Variants in KAT7 observed in about 807,000 individuals in gnomAD.
KAT7 encodes the protein histone acetyltransferase KAT7.
A neutral mutation model predicts 82.1 loss-of-function variants in KAT7; 10 were observed. The ratio of observed to expected loss-of-function variants is 0.12; its 90% CI spans 0.08 to 0.21. The LOEUF (loss-of-function observed/expected upper bound fraction) is 0.21, where lower values mean the gene tolerates loss of function less well. Among genes scored for constraint, KAT7 ranks in the 10% least tolerant of loss-of-function variants. The pLI is 1.00. For missense variants in KAT7, 378 were observed against 760.9 expected (o/e 0.50, Z 5.92); for synonymous variants, 250 against 262.5 (o/e 0.95, Z 0.46).
intron 4 of KAT7, among the ~76,000 whole-genome samples, chr17:49,804,505 G>A (rs1598063962): frequency 6.6e-6 from 1 of 152,132 alleles, no homozygotes; most frequent in Non-Finnish European, 1.5e-5. Context: ...TGTTTCAGGC[G>A]TGGCTCATGC....
intron 4 of KAT7, 90 bp from the exon 5 acceptor site, chr17:49,805,273 T>C: frequency 1.2e-6 from 1 of 821,814 alleles, no homozygotes. Context: ...ATAAAAATGA[T>C]GTAGCAAAAA....
rs150343023 is a variant in KAT7 at position 49,819,688 on chromosome 17, C to T, written c.1156-1649C>T. On this transcript the variant is annotated intron_variant, in intron 9 of 14. Transcript: ENST00000259021. ...CAGGAAATACCTAATTTATTCCATG[C>T]CTGTTCTTATTCCCGTTGCTTCAGG... 3.8e-3 allele frequency among the ~76,000 whole-genome samples: 575 copies of T among 152,274 alleles called. 2 individuals carry two copies. The Middle Eastern group carries it at 0.041, about 11-fold the overall frequency.
intron 6 of KAT7, 122 bp downstream of exon 6, chr17:49,809,330 C>G (rs1173199706): frequency 3.0e-6 from 2 of 676,776 alleles, no homozygotes; most frequent in Non-Finnish European, 5.1e-6. Flanking sequence ...CAGATGTAAA[C>G]TTAGAATCAT....
In KAT7 at chr17:49,834,643, G is replaced by A. The variant is rs1017303706; in HGVS notation, c.*7141G>A. Reference sequence around the variant, plus strand: ...ATTAGTCTATTATTCCCTTTCTTGTGTTTACTGAGAAAGCCTCCACTTCAA... The same window carrying A: ...ATTAGTCTATTATTCCCTTTCTTGTATTTACTGAGAAAGCCTCCACTTCAA... On this transcript the variant is annotated 3_prime_UTR_variant, in exon 15 of 15. Transcript: ENST00000259021. 1 of 152,148 alleles carries A rather than the reference G, an allele frequency of 6.6e-6. No individual in the cohort carries two copies. Among genetic ancestry groups the A allele is most frequent in the Non-Finnish European group, 1.5e-5 (1 of 68,038 alleles). 9.4% of individuals were successfully genotyped at this position (152,148 alleles called of 1,614,324 possible).
At chr17:49,816,142 CG>C (rs1261650475) in intron 8 of KAT7, among the ~76,000 whole-genome samples, 1 of 152,046 alleles carries the variant, frequency 6.6e-6, no homozygotes, top group Admixed American at 6.6e-5. Flanking sequence ...CCTCGGCTCC[CG>C]GAAGTACCAG....
intron 1 of KAT7, 94 bp from the exon 2 acceptor site, chr17:49,791,792 G>T (rs1598048321): frequency 1.6e-6 from 2 of 1,285,012 alleles, no homozygotes; most frequent in African/African-American, 2.9e-5. Flanking sequence ...TGAACTTGGG[G>T]TTTTCAGTGT....
intron 11 of KAT7, 30 bp downstream of exon 11, chr17:49,821,820 A>G (rs769907499): frequency 8.7e-6 from 14 of 1,610,870 alleles, no homozygotes; most frequent in East Asian, 4.5e-5. Flanking sequence ...TAAGAAGCCA[A>G]TGGCCAGAGC....
chr17:49,815,200 T>C (rs1358035596), intron 7 of KAT7: 2 of 152,192 alleles, frequency 1.3e-5, no homozygotes, highest in Non-Finnish European at 2.9e-5. Context: ...TATTTTTCTG[T>C]GTATGTGGAC....
At chr17:49,800,027 T>A (rs1192837755) in intron 4 of KAT7, among the ~76,000 whole-genome samples, 4 of 148,336 alleles carry the variant, frequency 2.7e-5, no homozygotes, top group Non-Finnish European at 6.0e-5. Context: ...TTTTTTTTTT[T>A]TTGAGACTGA....
chr17:49,821,750 C>A lies in KAT7; in HGVS notation c.1346C>A (p.Ala449Glu). Residue 449 changes from alanine (A) to glutamate (E), a missense_variant, in exon 11 of 15, where the codon GCG (alanine) becomes GAG (glutamate). By Grantham distance (107) the Ala-to-Glu change is moderately radical. This residue lies in a region of KAT7 where 20 missense variants were observed against 142.4 expected (regional missense o/e 0.14). Transcript: ENST00000259021. ...EPFLFYVMTE[A>E]DNTGCHLIGY... ...TTCCTGTTCTATGTTATGACAGAGG[C>A]GGACAACACTGGCTGTCACCTGATT... The A allele has an allele frequency of 1.2e-6, 2 of 1,613,692 alleles. No individual in the cohort carries two copies. The highest frequency in any genetic ancestry group is 8.5e-7 in the Non-Finnish European group (1 of 1,179,792).
In KAT7 at chr17:49,829,145, G is replaced by A. The variant is rs2074401973; in HGVS notation, c.*1643G>A. The A allele has an allele frequency of 6.6e-6, 1 of 152,338 alleles. No individual in the cohort carries two copies. The highest frequency in any genetic ancestry group is 2.1e-4 in the South Asian group (1 of 4,818). The allele number at this position is 152,338 out of a possible 1,614,324, so 9.4% of individuals were successfully genotyped here. A position where few individuals can be genotyped will look rare whatever the true frequency, so the allele number is the denominator to read the frequency against. ...ATTTATATATGAAAATGATGCACAC[G>A]ATCTGCTACTAATAGTAAATGCACT... On this transcript the variant is annotated 3_prime_UTR_variant, in exon 15 of 15. Transcript: ENST00000259021.
intron 4 of KAT7, among the ~76,000 whole-genome samples, chr17:49,803,308 C>T (rs543582850): frequency 8.3e-4 from 125 of 150,948 alleles, no homozygotes; most frequent in African/African-American, 2.9e-3. Context: ...GATGGAGTCT[C>T]ACCATGTTGG....
chr17:49,813,704 T>G (rs558434133), intron 7 of KAT7, among the ~76,000 whole-genome samples: 51 of 152,296 alleles, frequency 3.3e-4, no homozygotes, highest in African/African-American at 1.1e-3. Flanking sequence ...TTATAAGTAA[T>G]CTAGAGATGA....
intron 2 of KAT7, 117 bp downstream of exon 2, chr17:49,792,150 C>T: frequency 5.3e-6 from 5 of 939,144 alleles, no homozygotes; most frequent in Non-Finnish European, 8.0e-6. Flanking sequence ...TGACAGTGCA[C>T]CAGATGATTG....
At position 49,833,360 on chromosome 17, in the gene KAT7, T is replaced by C. The variant is rs1870239668; in HGVS notation, c.*5858T>C. On this transcript the variant is annotated 3_prime_UTR_variant, in exon 15 of 15. Coordinates refer to ENST00000259021, the MANE Select transcript of KAT7 (RefSeq NM_007067.5). ...GCTTACCATACATTCAATTCCAAAG[T>C]TATCAGAAACCTACACTCTTATCTC... 1 of 152,220 alleles carries C rather than the reference T, an allele frequency of 6.6e-6. No homozygotes were observed. The highest frequency in any genetic ancestry group is 2.4e-5 in the African/African-American group (1 of 41,454). The allele number at this position is 152,220 out of a possible 1,614,324, so 9.4% of individuals were successfully genotyped here.
Position 49,831,238 on chromosome 17 carries a change from T to G in KAT7, c.*3736T>G, listed in dbSNP as rs2074422673. ...TTGCAATGAGCTGAGATGATGCCAC[T>G]GCACTCCAGCCTGGGTGACAGAGTG... is the stretch of plus-strand genomic sequence containing the variant. On this transcript the variant is annotated 3_prime_UTR_variant, in exon 15 of 15. Transcript: ENST00000259021. 1 of 152,296 alleles carries G rather than the reference T, an allele frequency of 6.6e-6. No homozygotes were observed. The allele number at this position is 152,296 out of a possible 1,614,324, so 9.4% of individuals were successfully genotyped here. A position where few individuals can be genotyped will look rare whatever the true frequency, so the allele number is the denominator to read the frequency against.
Position 49,804,101 on chromosome 17 carries a change from C to T in KAT7, c.581-1262C>T, listed in dbSNP as rs758693668. 4.6e-5 allele frequency among the ~76,000 whole-genome samples: 7 copies of T among 152,184 alleles called. No individual in the cohort carries two copies. The South Asian group carries it at 1.0e-3, about 23-fold the overall frequency. Reference sequence around the variant, plus strand: ...CCAAATGAAAAATAGATGAATGGGCCGGGCGCGGTGGCTCACGCCTGTAAT... The same window carrying T: ...CCAAATGAAAAATAGATGAATGGGCTGGGCGCGGTGGCTCACGCCTGTAAT... On this transcript the variant is annotated intron_variant, in intron 4 of 14. Transcript: ENST00000259021.
intron 12 of KAT7, chr17:49,823,530 A>C (rs940815200): frequency 2.3e-6 from 1 of 434,780 alleles, no homozygotes; most frequent in Non-Finnish European, 4.2e-6. Flanking sequence ...AGGATGATAA[A>C]GTAAGCTCTT....
At chr17:49,826,351 C>T (rs559476772) in intron 13 of KAT7, 23 of 533,112 alleles carry the variant, frequency 4.3e-5, no homozygotes, top group Non-Finnish European at 7.6e-5. Flanking sequence ...GTTGCCAACA[C>T]TTTAATTCTT....
Sources: allele counts gnomAD v4.1 joint callset (sites outside exome capture counted in the v4.1 genomes callset), GRCh38; gene constraint gnomAD v4.1.1; regional missense constraint gnomAD v4.1.1; transcripts MANE v1.5; gene names NCBI Gene and HGNC (gene_info 2026-07-23, HGNC 2026-07-21).